TPO: variants seen among roughly 807,000 people sequenced by gnomAD.
TPO encodes the protein thyroid microsomal antigen.
A neutral mutation model predicts 96.9 loss-of-function variants in TPO; 78 were observed. The ratio of observed to expected loss-of-function variants is 0.81; its 90% CI spans 0.67 to 0.97. TPO has a LOEUF of 0.97. TPO is among the 50% of genes least tolerant of loss of function. The pLI, the probability that TPO is intolerant of heterozygous loss-of-function variation, is 0.00. For missense variants in TPO, 1,252 were observed against 1,274.8 expected, an observed-to-expected ratio of 0.98 and a Z score of 0.27; for synonymous variants, 547 against 538.0, an observed-to-expected ratio of 1.02 and a Z score of -0.23.
At chr2:1,493,186 T>TTGTG (rs142912352) in intron 10 of TPO, among the ~76,000 whole-genome samples, 1 of 88,716 alleles carries the variant, frequency 1.1e-5, no homozygotes, top group Non-Finnish European at 2.1e-5. Context: ...ATAAAGATAT[T>TTGTG]TGTGTGTGTG....
At chr2:1,484,986 C>T (rs748299548) in intron 9 of TPO, 132 bp downstream of exon 9, 488 of 1,406,920 alleles carry the variant, frequency 3.5e-4, no homozygotes, top group Non-Finnish European at 4.4e-4. Flanking sequence ...TATACATGTG[C>T]CATGTTGGTT....
At chr2:1,505,353 ACACACCCC>A (rs1673307554) in intron 14 of TPO, among the ~76,000 whole-genome samples, 4 of 143,138 alleles carry the variant, frequency 2.8e-5, no homozygotes, top group African/African-American at 5.3e-5. Context: ...TGTGTCAGGC[ACACACCCC>A]CACCCCCGTG....
intron 13 of TPO, among the ~76,000 whole-genome samples, chr2:1,498,334 G>A (rs28912979): frequency 6.0e-4 from 91 of 152,254 alleles, no homozygotes; most frequent in Non-Finnish European, 1.0e-3. Context: ...GTGCCCTCCC[G>A]GGAGCCACCT....
chr2:1,511,672 G>C (rs997520877), intron 14 of TPO, among the ~76,000 whole-genome samples: 6 of 152,242 alleles, frequency 3.9e-5, no homozygotes, highest in Non-Finnish European at 8.8e-5. Context: ...TCCCAGGGCA[G>C]TCCCTCTGTG....
chr2:1,417,152 C>T (rs563515024), intron 2 of TPO, among the ~76,000 whole-genome samples: 62 of 152,358 alleles, frequency 4.1e-4, no homozygotes, highest in Non-Finnish European at 8.1e-4. Context: ...AAGTACTCAG[C>T]GAAAAGTATC....
intron 15 of TPO, among the ~76,000 whole-genome samples, chr2:1,539,180 A>T (rs1680434855): frequency 6.6e-6 from 1 of 152,128 alleles, no homozygotes. Context: ...TACAGTAATG[A>T]GCAGACAGTG....
chr2:1,497,925 G>A (rs1292362496), intron 13 of TPO, among the ~76,000 whole-genome samples: 5 of 150,096 alleles, frequency 3.3e-5, no homozygotes, highest in East Asian at 3.9e-4. Flanking sequence ...GGAGACCCAG[G>A]TGAGAGAATC....
intron 5 of TPO, among the ~76,000 whole-genome samples, chr2:1,451,490 T>C (rs890504660): frequency 6.6e-6 from 1 of 152,210 alleles, no homozygotes; most frequent in Non-Finnish European, 1.5e-5. Flanking sequence ...ATTTTTTAAG[T>C]GTGTACATAT....
intron 14 of TPO, among the ~76,000 whole-genome samples, chr2:1,504,821 G>T (rs1673239693): frequency 6.6e-6 from 1 of 152,178 alleles, no homozygotes; most frequent in Admixed American, 6.5e-5. Context: ...TAATAGTCTG[G>T]CTTCCAGCTC....
At chr2:1,439,064 C>T (rs1573188251) in intron 5 of TPO, 4 of 520,786 alleles carry the variant, frequency 7.7e-6, no homozygotes, top group East Asian at 3.0e-5. Flanking sequence ...ATGTATTGTG[C>T]CTAAGTTTAC....
At chr2:1,378,165 CT>C (rs1295479458) in intron 1 of TPO, among the ~76,000 whole-genome samples, 1 of 152,156 alleles carries the variant, frequency 6.6e-6, no homozygotes, top group East Asian at 1.9e-4. Flanking sequence ...CGTTAAACCT[CT>C]TTTTCTTTTT....
chr2:1,427,942 G>A (rs1573138140), intron 3 of TPO, among the ~76,000 whole-genome samples: 1 of 152,216 alleles, frequency 6.6e-6, no homozygotes, highest in Non-Finnish European at 1.5e-5. Flanking sequence ...ATGACAGACA[G>A]AAGAGCTAAA....
intron 1 of TPO, among the ~76,000 whole-genome samples, chr2:1,401,615 CAGCCCTG>C (rs1450285497): frequency 1.3e-5 from 2 of 152,118 alleles, no homozygotes; most frequent in Non-Finnish European, 2.9e-5. Flanking sequence ...AGAGCCTGCA[CAGCCCTG>C]AGCTTCTCCC....
In TPO at chr2:1,477,534, C is replaced by T; in HGVS notation, c.1268C>T (p.Ala423Val). 6.5e-7 allele frequency: 1 copy of T among 1,535,096 alleles called. No individual in the cohort carries two copies. Among genetic ancestry groups the T allele is most frequent in the Non-Finnish European group, 8.7e-7 (1 of 1,145,874 alleles). ...AACCGCCTGGCCGCGGCGCTCAAGG[C>T]CCTCAATGCGCACTGGAGCGCGGAC... is the stretch of plus-strand genomic sequence containing the variant. ...EHNRLAAALK[A>V]LNAHWSADAV... Residue 423 changes from alanine to valine, a missense_variant, in exon 8 of 17, where the codon GCC (alanine) becomes GTC (valine). Ala to Val is a moderately conservative substitution (Grantham distance 64, BLOSUM62 0). Transcript: ENST00000329066.
chr2:1,489,483 A>G (rs1451372007), intron 10 of TPO, among the ~76,000 whole-genome samples: 4 of 152,116 alleles, frequency 2.6e-5, no homozygotes, highest in Non-Finnish European at 5.9e-5. Flanking sequence ...CCTCTGCTTC[A>G]CTTTTCACCA....
At chr2:1,435,453 A>G (rs28909383) in intron 4 of TPO, among the ~76,000 whole-genome samples, 2,955 of 152,306 alleles carry the variant, frequency 0.019, 88 homozygotes, top group East Asian at 0.12. Flanking sequence ...TTTCTCTCAT[A>G]TCTGAAAATG....
At chr2:1,526,439 C>T (rs1316423632) in intron 15 of TPO, among the ~76,000 whole-genome samples, 4 of 132,046 alleles carry the variant, frequency 3.0e-5, no homozygotes, top group Admixed American at 8.3e-5. Context: ...CTCAAATCCC[C>T]CAACTGTGTG....
At chr2:1,430,521 A>G (rs998884539) in intron 3 of TPO, among the ~76,000 whole-genome samples, 3 of 152,218 alleles carry the variant, frequency 2.0e-5, no homozygotes, top group African/African-American at 7.2e-5. Context: ...GACACTGCTT[A>G]ATGGAGCTGT....
upstream of TPO, among the ~76,000 whole-genome samples, chr2:1,410,105 C>T (rs2148388271): frequency 6.6e-6 from 1 of 152,052 alleles, no homozygotes; most frequent in East Asian, 1.9e-4. Flanking sequence ...TTGAAAATCG[C>T]TAGGAGAATA....
Sources: gnomAD v4.1 joint callset for allele counts (sites outside exome capture counted in the v4.1 genomes callset) on GRCh38, gnomAD v4.1.1 for gene constraint, MANE v1.5 for transcripts, NCBI Gene and HGNC (gene_info 2026-07-23, HGNC 2026-07-21) for gene names.